The following CFAP44 variants were observed in gnomAD, a reference collection of about 807,000 sequenced individuals.
CFAP44 encodes cilia and flagella associated protein 44, also known as cilia- and flagella-associated protein 44.
Under a neutral mutation model 216.2 loss-of-function variants are expected in CFAP44, and 134 were observed. The observed-to-expected ratio is 0.62, with a 90% confidence interval of 0.54 to 0.72. The LOEUF is 0.72. Ranked by LOEUF, CFAP44 falls within the 30% of genes least tolerant of loss-of-function variation. The pLI, the probability that CFAP44 is intolerant of heterozygous loss-of-function variation, is 0.00. For missense variants in CFAP44, 2,035 were observed against 2,182.1 expected (o/e 0.93, Z 1.34); for synonymous variants, 700 against 727.6 (o/e 0.96, Z 0.61).
chr3:113,430,794 T>G (rs994507764), intron 2 of CFAP44, among the ~76,000 whole-genome samples: 3 of 152,126 alleles, frequency 2.0e-5, no homozygotes, highest in Admixed American at 2.0e-4. Flanking sequence ...TAATACCAAT[T>G]CTACACAAAA....
intron 4 of CFAP44, among the ~76,000 whole-genome samples, chr3:113,423,007 A>G (rs920315594): frequency 2.0e-5 from 3 of 152,102 alleles, no homozygotes; most frequent in African/African-American, 7.2e-5. Context: ...TATTTCCCAG[A>G]ATGCCTAACA....
At chr3:113,338,675 CT>C (rs1301204273) in intron 24 of CFAP44, among the ~76,000 whole-genome samples, 2 of 152,138 alleles carry the variant, frequency 1.3e-5, no homozygotes, top group African/African-American at 2.4e-5. Flanking sequence ...GGGTGAAATT[CT>C]GGAAAGTCTC....
intron 1 of CFAP44, among the ~76,000 whole-genome samples, chr3:113,439,835 CA>C (rs1315927362): frequency 6.6e-6 from 1 of 152,198 alleles, no homozygotes; most frequent in Non-Finnish European, 1.5e-5. Context: ...CAAGCTCACT[CA>C]ATCCCAGCAG....
Position 113,330,396 on chromosome 3 carries a change from CT to C in CFAP44, c.3887del (p.Gln1296ArgfsTer22). 6.5e-7 allele frequency: 1 copy of C among 1,537,390 alleles called. No homozygotes were observed. Among genetic ancestry groups the C allele is most frequent in the Non-Finnish European group, 8.7e-7 (1 of 1,146,916 alleles). ...CTCCAACTGGGCCTCCAGACCCTGT[CT>C]GTTCCACTCCGGGGGACTTTTCATC... ...SKDEKSPGVE[Q>X]TGSGGPVGGF... On this transcript the variant is annotated frameshift_variant, in exon 26 of 35. Coordinates refer to ENST00000393845, the MANE Select transcript of CFAP44 (RefSeq NM_001164496.2). LOFTEE classifies it high-confidence loss of function.
At chr3:113,371,881 G>A (rs1933178233) in intron 18 of CFAP44, among the ~76,000 whole-genome samples, 1 of 151,852 alleles carries the variant, frequency 6.6e-6, no homozygotes, top group Non-Finnish European at 1.5e-5. Context: ...AAATTTACAG[G>A]AAAAAAACAA....
chr3:113,295,895 A>G (rs1949875100), intron 33 of CFAP44, among the ~76,000 whole-genome samples: 1 of 152,198 alleles, frequency 6.6e-6, no homozygotes, highest in Non-Finnish European at 1.5e-5. Flanking sequence ...AAACTGTCAG[A>G]GCATTTATAC....
chr3:113,309,695 T>C (rs531441032), intron 28 of CFAP44, among the ~76,000 whole-genome samples: 9 of 152,172 alleles, frequency 5.9e-5, no homozygotes, highest in Middle Eastern at 3.4e-3. Context: ...CAACTAAACA[T>C]TATATGCAAA....
At position 113,419,613 on chromosome 3, in the gene CFAP44, ATGTG is replaced by A. The variant is rs368585172; in HGVS notation, c.570+400_570+403del. Among the ~76,000 whole-genome samples the A allele has an allele frequency of 2.6e-5, 4 of 152,110 alleles. No homozygotes were observed. In the South Asian group the frequency reaches 8.3e-4, roughly 32 times the overall value. On this transcript the variant is annotated intron_variant, in intron 5 of 34. Transcript: ENST00000393845. ...CATAGTCAATCTATGTCTACATCCT[ATGTG>A]TGTGTCTCACATTTTCCTCACCTTC...
intron 13 of CFAP44, among the ~76,000 whole-genome samples, chr3:113,398,293 C>T (rs1934046897): frequency 6.6e-6 from 1 of 151,980 alleles, no homozygotes; most frequent in African/African-American, 2.4e-5. Flanking sequence ...GGAAGAAAAT[C>T]ACAGAGGAAG....
chr3:113,384,858 G>C (rs1933605102), intron 15 of CFAP44, among the ~76,000 whole-genome samples: 1 of 152,198 alleles, frequency 6.6e-6, no homozygotes, highest in Non-Finnish European at 1.5e-5. Flanking sequence ...TGGAAGATGA[G>C]GGAGTCAAGA....
Position 113,427,393 on chromosome 3 carries a change from T to G in CFAP44, c.101-54A>C, listed in dbSNP as rs114273168. ...AATTTTGATTAAACATTTTCTTATT[T>G]CTAAAGTAGCTAAAACTTCCAATTT... is the stretch of plus-strand genomic sequence containing the variant. On this transcript the variant is annotated intron_variant, in intron 2 of 34. Coordinates refer to ENST00000393845, the MANE Select transcript of CFAP44 (RefSeq NM_001164496.2). The G allele has an allele frequency of 1.8e-3, 2,454 of 1,398,934 alleles. 30 individuals are homozygous for G. In the African/African-American group the frequency reaches 0.032, roughly 18 times the overall value. 86.7% of individuals were successfully genotyped at this position (1,398,934 alleles called of 1,614,324 possible). A position where few individuals can be genotyped will look rare whatever the true frequency, so the allele number is the denominator to read the frequency against.
chr3:113,356,629 A>T (rs577889314), intron 22 of CFAP44, among the ~76,000 whole-genome samples: 3 of 152,318 alleles, frequency 2.0e-5, no homozygotes, highest in South Asian at 4.2e-4. Context: ...TACTAGGTCA[A>T]TCGGATATCA....
intron 23 of CFAP44, 29 bp from the exon 24 acceptor site, chr3:113,341,947 T>A (rs1950336847): frequency 6.7e-7 from 1 of 1,485,938 alleles, no homozygotes; most frequent in African/African-American, 1.4e-5. Context: ...TTTTTCAGCC[T>A]TTTTGAGACA....
At position 113,388,619 on chromosome 3, in the gene CFAP44, AAG is replaced by A. The variant is rs200469577; in HGVS notation, c.1890+7129_1890+7130del. On this transcript the variant is annotated intron_variant, in intron 15 of 34. Coordinates refer to ENST00000393845, the MANE Select transcript of CFAP44 (RefSeq NM_001164496.2). ...AGATGGCTGAATGGATTTAAAAAAC[AAG>A]ACTCAGTGATCTGTTGCCTACAAGA... Among the ~76,000 whole-genome samples the A allele has an allele frequency of 8.4e-3, 1,283 of 152,300 alleles. 22 individuals are homozygous for A. The highest frequency in any genetic ancestry group is 0.029 in the African/African-American group (1,215 of 41,570).
intron 3 of CFAP44, 134 bp from the exon 4 acceptor site, chr3:113,426,411 G>A (rs1934961412): frequency 2.2e-6 from 2 of 893,190 alleles, no homozygotes; most frequent in East Asian, 5.3e-5. Flanking sequence ...TGAATCACAG[G>A]GGCTGTTACC....
At chr3:113,400,724 A>G in intron 11 of CFAP44, 80 bp from the exon 12 acceptor site, 1 of 1,241,338 alleles carries the variant, frequency 8.1e-7, no homozygotes, top group Non-Finnish European at 1.1e-6. Context: ...AAATGCAAAG[A>G]TAAAAATATA....
intron 2 of CFAP44, among the ~76,000 whole-genome samples, chr3:113,431,693 T>C (rs1475615100): frequency 6.6e-6 from 1 of 152,146 alleles, no homozygotes; most frequent in Non-Finnish European, 1.5e-5. Flanking sequence ...TAAAATATAA[T>C]GTGGAGAAAC....
intron 1 of CFAP44, among the ~76,000 whole-genome samples, chr3:113,438,868 CT>C (rs1935294475): frequency 6.6e-6 from 1 of 152,116 alleles, no homozygotes; most frequent in Non-Finnish European, 1.5e-5. Context: ...TCAATTATTC[CT>C]CAATGACATG....
rs566426150 is a variant in CFAP44 at position 113,373,525 on chromosome 3, C to T, written c.2330G>A (p.Cys777Tyr). Residue 777 changes from cysteine (C) to tyrosine (Y), a missense_variant, in exon 18 of 35, where the codon TGT becomes TAT. Physicochemically the swap from Cys to Tyr is radical, Grantham distance 194 (BLOSUM62 -2). Transcript: ENST00000393845. ...GCTTTCATCACAAGGGGGGAACTCA[C>T]AGTGATATAGAAAACCAGAATCATA... The part of the protein sequence containing the change: ...GGYDSGFLYH[C>Y]EFPPCDESSD... 9 of 1,597,072 alleles carry T rather than the reference C, an allele frequency of 5.6e-6. No individual in the cohort carries two copies. The highest frequency in any genetic ancestry group is 4.5e-5 in the South Asian group (4 of 87,974).
Sources: gnomAD v4.1 joint callset for allele counts (sites outside exome capture counted in the v4.1 genomes callset) on GRCh38, gnomAD v4.1.1 for gene constraint, MANE v1.5 for transcripts, NCBI Gene and HGNC (gene_info 2026-07-23, HGNC 2026-07-21) for gene names.